The following ATP11B variants were observed in gnomAD, a reference collection of about 807,000 sequenced individuals.
ATP11B encodes the protein ATPase phospholipid transporting 11B (putative).
In ATP11B, 81 loss-of-function variants were observed where a neutral mutation model predicts 157.8. That is an observed-to-expected ratio of 0.51 (90% CI 0.43 to 0.62). ATP11B has a LOEUF of 0.62. ATP11B is among the 20% of genes least tolerant of loss of function. The pLI is 0.00. For missense variants in ATP11B, 1,165 were observed against 1,402.2 expected, an observed-to-expected ratio of 0.83 and a Z score of 2.70; for synonymous variants, 451 against 469.4, an observed-to-expected ratio of 0.96 and a Z score of 0.51.
chr3:182,882,461 CAA>C (rs926666201), intron 21 of ATP11B, among the ~76,000 whole-genome samples: 43 of 147,456 alleles, frequency 2.9e-4, no homozygotes, highest in Admixed American at 2.8e-3. Context: ...AGTAGGAAAA[CAA>C]ATTATTTAGT....
intron 27 of ATP11B, among the ~76,000 whole-genome samples, chr3:182,897,940 A>ATGTG (rs1723668852): frequency 6.6e-6 from 1 of 152,038 alleles, no homozygotes; most frequent in Non-Finnish European, 1.5e-5. Context: ...TTGGTAAGTG[A>ATGTG]TGGACAACTG....
At chr3:182,898,870 AT>A in intron 28 of ATP11B, 98 bp downstream of exon 28, 1 of 815,404 alleles carries the variant, frequency 1.2e-6, no homozygotes, top group Admixed American at 3.6e-5. Context: ...AAAATAGGAA[AT>A]TAGCCATTCC....
chr3:182,822,109 CTT>C (rs533800000), intron 2 of ATP11B, among the ~76,000 whole-genome samples: 2 of 141,346 alleles, frequency 1.4e-5, no homozygotes, highest in Non-Finnish European at 1.6e-5. Flanking sequence ...TGACACAGTT[CTT>C]TTTTTTTTTT....
At chr3:182,813,116 A>G (rs1330731361) in intron 1 of ATP11B, among the ~76,000 whole-genome samples, 3 of 152,222 alleles carry the variant, frequency 2.0e-5, no homozygotes, top group Non-Finnish European at 4.4e-5. Flanking sequence ...TTCATTCATC[A>G]GTTGATGAAC....
chr3:182,800,158 G>A (rs1715900286), intron 1 of ATP11B, among the ~76,000 whole-genome samples: 1 of 151,804 alleles, frequency 6.6e-6, no homozygotes, highest in Non-Finnish European at 1.5e-5. Context: ...ATTCTTGATT[G>A]GATATTTATA....
chr3:182,885,836 T>G, intron 22 of ATP11B, 115 bp from the exon 23 acceptor site: 1 of 612,228 alleles, frequency 1.6e-6, no homozygotes, highest in Non-Finnish European at 2.7e-6. Flanking sequence ...TATCCTTTAC[T>G]TACCATACCA....
chr3:182,863,467 C>G (rs1433867181), intron 12 of ATP11B, among the ~76,000 whole-genome samples: 2 of 152,034 alleles, frequency 1.3e-5, no homozygotes, highest in African/African-American at 2.4e-5. Flanking sequence ...TAAGAAACTT[C>G]TGGTGATTAT....
At chr3:182,901,354 C>CA (rs913007171) in intron 28 of ATP11B, among the ~76,000 whole-genome samples, 28 of 138,008 alleles carry the variant, frequency 2.0e-4, no homozygotes, top group Non-Finnish European at 2.3e-4. Context: ...AAAAAAAAAA[C>CA]AAAAAAAAAA....
At chr3:182,917,746 C>T in intron 29 of ATP11B, 1 of 984,514 alleles carries the variant, frequency 1.0e-6, no homozygotes, top group Non-Finnish European at 1.2e-6. Context: ...TTAAAAGCAG[C>T]TCATGCTTTA....
Position 182,793,538 on chromosome 3 carries a change from C to T in ATP11B, c.-222C>T. The T allele has an allele frequency of 5.6e-6, 2 of 356,682 alleles. No homozygotes were observed. The highest frequency in any genetic ancestry group is 1.3e-4 in the South Asian group (1 of 7,556). 22.1% of individuals were successfully genotyped at this position (356,682 alleles called of 1,614,324 possible). A position where few individuals can be genotyped will look rare whatever the true frequency, so the allele number is the denominator to read the frequency against. ...GGTGGCTGCGGCGCGGCGGCAGGCT[C>T]AGCTGCGCCGGGCGGGGGCGGCGCC... On this transcript the variant is annotated 5_prime_UTR_variant, in exon 1 of 30. It introduces an in-frame stop codon into an upstream open reading frame of the 5' UTR. Coordinates refer to ENST00000323116, the MANE Select transcript of ATP11B (RefSeq NM_014616.3).
At chr3:182,910,935 A>G (rs1724735886) in intron 28 of ATP11B, among the ~76,000 whole-genome samples, 1 of 152,226 alleles carries the variant, frequency 6.6e-6, no homozygotes, top group Non-Finnish European at 1.5e-5. Flanking sequence ...AATTAAATCT[A>G]AAAGATATAT....
intron 11 of ATP11B, among the ~76,000 whole-genome samples, chr3:182,858,635 C>T (rs1488064855): frequency 6.6e-6 from 1 of 152,076 alleles, no homozygotes; most frequent in Non-Finnish European, 1.5e-5. Flanking sequence ...CAATTAGGTA[C>T]ATTTCCTTTC....
rs1201852506 is a variant in ATP11B at position 182,872,422 on chromosome 3, A to C, written c.1933A>C (p.Lys645Gln). The change falls in exon 18 of 30, where the codon AAA (lysine) becomes CAA (glutamine). Residue 645 changes from lysine (K) to glutamine (Q), a missense_variant. Transcript: ENST00000323116. ...FTSKEYEEID[K>Q]RIFEARTALQ... is the part of the protein sequence containing the mutation. Reference sequence around the variant, plus strand: ...ATCAAAAGAGTATGAGGAAATAGATAAACGCATATTTGAAGCCAGGACTGC... The same window carrying C: ...ATCAAAAGAGTATGAGGAAATAGATCAACGCATATTTGAAGCCAGGACTGC... 6.2e-7 allele frequency: 1 copy of C among 1,614,088 alleles called. No homozygotes were observed.
chr3:182,911,719 G>A (rs961388999), intron 28 of ATP11B, among the ~76,000 whole-genome samples: 17 of 152,214 alleles, frequency 1.1e-4, no homozygotes, highest in Non-Finnish European at 1.8e-4. Flanking sequence ...TCACCGGATT[G>A]AGCACAGGGT....
At chr3:182,845,585 T>G (rs749328307) in intron 9 of ATP11B, 63 bp downstream of exon 9, 23 of 1,045,370 alleles carry the variant, frequency 2.2e-5, no homozygotes, top group Non-Finnish European at 3.0e-5. Context: ...TGAAGTACTT[T>G]TAAAAGTACA....
intron 10 of ATP11B, among the ~76,000 whole-genome samples, chr3:182,857,337 T>TA (rs1349977129): frequency 5.3e-5 from 8 of 152,110 alleles, no homozygotes; most frequent in Admixed American, 2.0e-4. Flanking sequence ...TTAGTAGAGA[T>TA]GGGGTTTCAT....
intron 1 of ATP11B, among the ~76,000 whole-genome samples, chr3:182,819,079 C>CT (rs11398702): frequency 0.71 from 96,173 of 135,108 alleles, 34,623 homozygotes; most frequent in South Asian, 0.76. Flanking sequence ...TCTAATATTT[C>CT]TTTTTTTTTT....
intron 4 of ATP11B, among the ~76,000 whole-genome samples, chr3:182,833,479 C>T (rs1054312464): frequency 6.6e-6 from 1 of 152,122 alleles, no homozygotes; most frequent in African/African-American, 2.4e-5. Flanking sequence ...TTGCGTGCCA[C>T]CACACCCAGC....
chr3:182,892,773 G>A (rs1161845527), intron 25 of ATP11B, among the ~76,000 whole-genome samples: 1 of 152,138 alleles, frequency 6.6e-6, no homozygotes, highest in African/African-American at 2.4e-5. Context: ...GATTTGGAAA[G>A]ACTGGAAGAA....
Sources: allele counts gnomAD v4.1 joint callset (sites outside exome capture counted in the v4.1 genomes callset), GRCh38; gene constraint gnomAD v4.1.1; transcripts MANE v1.5; gene names NCBI Gene and HGNC (gene_info 2026-07-23, HGNC 2026-07-21).